Variants in LTBP4 observed in about 807,000 individuals in gnomAD.
LTBP4 encodes the protein latent-transforming growth factor beta-binding protein 4.
Under a neutral mutation model 180.2 loss-of-function variants are expected in LTBP4, and 93 were observed. That is an observed-to-expected ratio of 0.52 (90% CI 0.44 to 0.61). The LOEUF is 0.61. Among genes scored for constraint, LTBP4 ranks in the 20% least tolerant of loss-of-function variants. The probability of loss-of-function intolerance (pLI) is 0.00; values close to 1 mark genes in which losing one functional copy is unlikely to be tolerated. For synonymous variants in LTBP4, 947 were observed against 934.5 expected (o/e 1.01, Z -0.24); for missense variants, 2,116 against 2,256.5 (o/e 0.94, Z 1.26).
chr19:40,599,333 C>T, upstream of LTBP4: 1 of 1,610,818 alleles, frequency 6.2e-7, no homozygotes, highest in South Asian at 1.1e-5. Flanking sequence ...CCCATCCCTC[C>T]CCTCATCCCA....
chr19:40,624,240 C>CTGTT lies in LTBP4; in HGVS notation c.3832+161_3832+162insTTGT, dbSNP rs66489217. Among the ~76,000 whole-genome samples the CTGTT allele has an allele frequency of 7.0e-5, 3 of 42,834 alleles. No homozygotes were observed. In the African/African-American group the frequency reaches 9.9e-4, roughly 14 times the overall value. The allele number at this position is 42,834 out of a possible 152,430, so 28.1% of individuals were successfully genotyped here. A position where few individuals can be genotyped will look rare whatever the true frequency, so the allele number is the denominator to read the frequency against. ...GAGCCCTCACTCAGTCTCTGTCCCA[C>CTGTT]TGTCTGTCTCTCTGAGGCGAGCTGG... On this transcript the variant is annotated intron_variant, in intron 26 of 29. Transcript: ENST00000396819.
chr19:40,599,997 G>A, upstream of LTBP4: 1 of 778,054 alleles, frequency 1.3e-6, no homozygotes. Flanking sequence ...CATTTTCCTG[G>A]CATGGAGGCC....
At chr19:40,628,288 C>T (rs1391307107) in intron 29 of LTBP4, among the ~76,000 whole-genome samples, 1 of 152,294 alleles carries the variant, frequency 6.6e-6, no homozygotes, top group Non-Finnish European at 1.5e-5. Flanking sequence ...CGCCTGTAAT[C>T]CCAGCACTTT....
rs567990384 is a variant in LTBP4, at chr19:40,627,140, C to T, written c.4151C>T (p.Pro1384Leu). 2.9e-5 allele frequency: 47 copies of T among 1,613,780 alleles called. No homozygotes were observed. The South Asian group carries it at 4.5e-4, about 15-fold the overall frequency. The change falls in exon 28 of 30, where the codon CCC (proline) becomes CTC (leucine). Residue 1384 changes from proline (P) to leucine (L), a missense_variant. By Grantham distance (98) the Pro-to-Leu change is moderately conservative. This residue lies in a region of LTBP4 where 488 missense variants were observed against 458.8 expected (regional missense o/e 1.06). Transcript: ENST00000396819. ...LYPPPALPYDPYPPPPGPFAR... is the reference protein window; with the variant it reads ...LYPPPALPYDLYPPPPGPFAR... ...CCACCACCTGCGCTACCCTACGACC[C>T]CTACCCACCGCCACCTGGGCCCTTC...
Position 40,601,560 on chromosome 19 carries a change from G to A in LTBP4, c.173G>A (p.Cys58Tyr). The A allele has an allele frequency of 6.8e-7, 1 of 1,475,542 alleles. No homozygotes were observed. Among genetic ancestry groups the A allele is most frequent in the Admixed American group, 2.3e-5 (1 of 42,960 alleles). The allele number at this position is 1,475,542 out of a possible 1,614,324, so 91.4% of individuals were successfully genotyped here. A position where few individuals can be genotyped will look rare whatever the true frequency, so the allele number is the denominator to read the frequency against. Reference sequence around the variant, plus strand: ...ACCGGCTCCCGCTGTACCCCGACCTGCGCGCCCCGCAACGCCACCAGCGTG... The same window carrying A: ...ACCGGCTCCCGCTGTACCCCGACCTACGCGCCCCGCAACGCCACCAGCGTG... ...GPTGSRCTPT[C>Y]APRNATSVDS... The change falls in exon 1 of 30, where the codon TGC (cysteine) becomes TAC (tyrosine). Residue 58 changes from cysteine (C) to tyrosine (Y), a missense_variant. Cys to Tyr is a radical substitution (Grantham distance 194). Transcript: ENST00000396819.
chr19:40,623,047 C>T, intron 24 of LTBP4, 26 bp downstream of exon 24: 1 of 1,574,678 alleles, frequency 6.4e-7, no homozygotes, highest in Non-Finnish European at 8.6e-7. Flanking sequence ...GACCCTCCAC[C>T]CCACTCAGCT....
chr19:40,618,617 G>C (rs1227389677), intron 21 of LTBP4, among the ~76,000 whole-genome samples: 1 of 152,146 alleles, frequency 6.6e-6, no homozygotes, highest in Non-Finnish European at 1.5e-5. Context: ...CTGGCTTTAA[G>C]CAACCCTCCC....
At chr19:40,607,597 C>G (rs907005976) in intron 7 of LTBP4, 68 bp downstream of exon 7, 12 of 1,476,824 alleles carry the variant, frequency 8.1e-6, no homozygotes, top group Non-Finnish European at 9.9e-6. Flanking sequence ...GCCCCACCCT[C>G]CAACCCTGAG....
In LTBP4 at chr19:40,605,885, C is replaced by T; in HGVS notation, c.793+54C>T. The T allele has an allele frequency of 6.6e-7, 1 of 1,504,104 alleles. No individual in the cohort carries two copies. The allele number at this position is 1,504,104 out of a possible 1,614,324, so 93.2% of individuals were successfully genotyped here. On this transcript the variant is annotated intron_variant, in intron 4 of 29. Transcript: ENST00000396819. This position sits in a 1 kb window ranked among gnomAD's most constrained non-coding sequence, Gnocchi z 5.5. ...CGGAGCTGGGGAGTGGTGACAACCTCACCGTTCCTCCTACTCTGCCCTAGA... is the reference window on the plus strand; with the variant it reads ...CGGAGCTGGGGAGTGGTGACAACCTTACCGTTCCTCCTACTCTGCCCTAGA...
chr19:40,611,861 G>A lies in LTBP4; in HGVS notation c.2056G>A (p.Val686Met), dbSNP rs373945126. 2.2e-5 allele frequency: 35 copies of A among 1,607,764 alleles called. No homozygotes were observed. Among genetic ancestry groups the A allele is most frequent in the Non-Finnish European group, 3.0e-5 (35 of 1,177,278 alleles). The part of the protein sequence containing the change: ...SRGPGAPCQD[V>M]DECARSPPPC... ...CTCATTGGTCCCCTCTGCCCCAGATGTGGATGAGTGTGCCCGAAGCCCCCC... is the reference window on the plus strand; with the variant it reads ...CTCATTGGTCCCCTCTGCCCCAGATATGGATGAGTGTGCCCGAAGCCCCCC... Residue 686 changes from valine to methionine, a missense_variant and splice_region_variant, in exon 14 of 30, where the codon GTG becomes ATG. Coordinates refer to ENST00000396819, the MANE Select transcript of LTBP4 (RefSeq NM_001042545.2). The surrounding 1 kb of genome is among the most constrained non-coding windows in gnomAD (Gnocchi z 4.4).
intron 1 of LTBP4, among the ~76,000 whole-genome samples, chr19:40,603,757 T>G (rs551692810): frequency 1.3e-5 from 2 of 152,272 alleles, no homozygotes; most frequent in African/African-American, 4.8e-5. Context: ...CACAGCTGTC[T>G]CCAGCTGTTC....
chr19:40,612,246 T>C (rs1317906648), intron 15 of LTBP4, 54 bp downstream of exon 15: 1 of 1,527,576 alleles, frequency 6.5e-7, no homozygotes, highest in South Asian at 1.2e-5. Context: ...CCCCGACCCT[T>C]GACCCAGATC....
At position 40,622,687 on chromosome 19, in the gene LTBP4, G is replaced by A. The variant is rs569381297; in HGVS notation, c.3484+20G>A. Reference sequence around the variant, plus strand: ...AGACAGGTGGGCATGGGCTGATGGGGACACAGGGCTGAGGGCTTGGGTGGA... The same window carrying A: ...AGACAGGTGGGCATGGGCTGATGGGAACACAGGGCTGAGGGCTTGGGTGGA... On this transcript the variant is annotated intron_variant, in intron 23 of 29. Transcript: ENST00000396819. The surrounding 1 kb of genome is among the most constrained non-coding windows in gnomAD (Gnocchi z 5.1). 3.0e-5 allele frequency: 47 copies of A among 1,588,754 alleles called. No individual in the cohort carries two copies. The East Asian group carries it at 1.0e-3, about 35-fold the overall frequency.
rs374259478 is a variant in LTBP4, at chr19:40,605,534, C to T, written c.572C>T (p.Ala191Val). The T allele has an allele frequency of 3.5e-5, 56 of 1,607,104 alleles. No homozygotes were observed. The African/African-American group carries it at 6.0e-4, about 17-fold the overall frequency. Reference sequence around the variant, plus strand: ...GAGGCGGTGGCGCGGGCGGAAGCGGCGGCGCGGGCGGAGGCGGCAGCGCCC... The same window carrying T: ...GAGGCGGTGGCGCGGGCGGAAGCGGTGGCGCGGGCGGAGGCGGCAGCGCCC... ...DAEAVARAEA[A>V]ARAEAAAPYT... The change falls in exon 3 of 30, where the codon GCG becomes GTG. Residue 191 changes from alanine (A) to valine (V), a missense_variant. Ala to Val is a moderately conservative substitution (Grantham distance 64). Around this residue, in one of 5 missense-constraint regions of LTBP4, gnomAD observed 469 missense variants for 532.5 expected, o/e 0.88. Transcript: ENST00000396819. The surrounding 1 kb of genome is among the most constrained non-coding windows in gnomAD (Gnocchi z 5.5).
intron 12 of LTBP4, 176 bp downstream of exon 12, chr19:40,610,833 C>A: frequency 1.0e-6 from 1 of 967,542 alleles, no homozygotes; most frequent in Non-Finnish European, 1.5e-6. Flanking sequence ...ATGCAGAGGC[C>A]AAGTGATGGG....
intron 19 of LTBP4, 33 bp from the exon 20 acceptor site, chr19:40,616,856 T>C: frequency 1.2e-6 from 2 of 1,611,558 alleles, no homozygotes; most frequent in Non-Finnish European, 1.7e-6. Flanking sequence ...TTCAGGCCTT[T>C]GACTCCCCTT....
upstream of LTBP4, among the ~76,000 whole-genome samples, chr19:40,598,893 T>A (rs1312149910): frequency 6.6e-6 from 1 of 152,152 alleles, no homozygotes; most frequent in African/African-American, 2.4e-5. Flanking sequence ...CTTTTGTTTT[T>A]GTTTTTGTTT....
At chr19:40,625,272 A>ATATATATATTTATATATATATATT (rs2081618177) in intron 26 of LTBP4, among the ~76,000 whole-genome samples, 1 of 3,786 alleles carries the variant, frequency 2.6e-4, no homozygotes, top group African/African-American at 2.8e-3. Flanking sequence ...ATATATATAT[A>ATATATATATTTATATATATATATT]TATATATATA....
chr19:40,597,792 G>A (rs1432223608), upstream of LTBP4, among the ~76,000 whole-genome samples: 3 of 151,994 alleles, frequency 2.0e-5, no homozygotes, highest in Non-Finnish European at 4.4e-5. Flanking sequence ...TTATGAGGCC[G>A]CTGAGTTGTC....
Sources: allele counts gnomAD v4.1 joint callset (sites outside exome capture counted in the v4.1 genomes callset), GRCh38; gene constraint gnomAD v4.1.1; regional missense constraint gnomAD v4.1.1; non-coding constraint Gnocchi (gnomAD v3.1); transcripts MANE v1.5; gene names NCBI Gene and HGNC (gene_info 2026-07-23, HGNC 2026-07-21).